Variants in GABRG3 observed in about 807,000 individuals in gnomAD.
GABRG3 encodes the protein gamma-aminobutyric acid type A receptor subunit gamma3, also known as gamma-aminobutyric acid receptor subunit gamma-3.
A neutral mutation model predicts 48.8 loss-of-function variants in GABRG3; 25 were observed. The observed-to-expected ratio is 0.51, with a 90% CI of 0.37 to 0.72. The LOEUF (loss-of-function observed/expected upper bound fraction) is 0.72, where lower values mean the gene tolerates loss of function less well. GABRG3 is among the 30% of genes least tolerant of loss of function. GABRG3 has a pLI of 0.00. For synonymous variants in GABRG3, 227 were observed against 217.6 expected, an observed-to-expected ratio of 1.04 and a Z score of -0.38; for missense variants, 394 against 577.9, an observed-to-expected ratio of 0.68 and a Z score of 3.26.
chr15:27,300,697 A>G (rs1042958211), intron 3 of GABRG3, among the ~76,000 whole-genome samples: 1 of 131,392 alleles, frequency 7.6e-6, no homozygotes, highest in Non-Finnish European at 1.7e-5. Context: ...AAAAAAAAAA[A>G]CACCTGGATT....
intron 3 of GABRG3, among the ~76,000 whole-genome samples, chr15:27,125,610 A>C (rs140040038): frequency 6.6e-6 from 1 of 152,238 alleles, no homozygotes; most frequent in African/African-American, 2.4e-5. Flanking sequence ...GTACAATTTT[A>C]TGTGTTGACC....
At chr15:27,159,352 C>T (rs940756510) in intron 3 of GABRG3, among the ~76,000 whole-genome samples, 18 of 151,920 alleles carry the variant, frequency 1.2e-4, no homozygotes, top group African/African-American at 4.1e-4. Context: ...TGTGCTGGTG[C>T]GCACCTGTAA....
chr15:27,025,085 A>AGT lies in GABRG3; in HGVS notation c.203-1655_203-1654dup, dbSNP rs143739884. The stretch of plus-strand genomic sequence containing the variant: ...GCTTCATTTTCCTTGGCATTTTGTG[A>AGT]GTGTGTGTGTGTGTGCGCACACTTA... On this transcript the variant is annotated intron_variant, in intron 2 of 9. Transcript: ENST00000615808. Among the ~76,000 whole-genome samples the AGT allele has an allele frequency of 6.4e-3, 937 of 146,942 alleles. 12 individuals carry two copies. Among genetic ancestry groups the AGT allele is most frequent in the African/African-American group, 0.02 (803 of 40,228 alleles).
intron 3 of GABRG3, among the ~76,000 whole-genome samples, chr15:27,270,980 G>A (rs1891066362): frequency 6.6e-6 from 1 of 152,204 alleles, no homozygotes; most frequent in Non-Finnish European, 1.5e-5. Context: ...TGGGTGGCCA[G>A]GAAGAAACAG....
chr15:27,110,273 A>G (rs891454536), intron 3 of GABRG3, among the ~76,000 whole-genome samples: 4 of 152,200 alleles, frequency 2.6e-5, no homozygotes, highest in African/African-American at 9.6e-5. Context: ...TGCACCATGT[A>G]TAAACCAGGT....
chr15:27,348,446 A>G (rs1397962330), intron 5 of GABRG3, among the ~76,000 whole-genome samples: 1 of 152,210 alleles, frequency 6.6e-6, no homozygotes, highest in East Asian at 1.9e-4. Flanking sequence ...GAACTAATTT[A>G]GCCTTTAAAA....
chr15:26,971,724 A>G (rs1894849692), intron 1 of GABRG3, 136 bp downstream of exon 1: 1 of 980,942 alleles, frequency 1.0e-6, no homozygotes, highest in African/African-American at 1.7e-5. Context: ...GGGACTGGGA[A>G]GTCGGTCTGC....
At chr15:27,198,802 A>C (rs1934360444) in intron 3 of GABRG3, among the ~76,000 whole-genome samples, 1 of 152,208 alleles carries the variant, frequency 6.6e-6, no homozygotes, top group African/African-American at 2.4e-5. Flanking sequence ...TACACCGTGG[A>C]ATACTGTGCA....
intron 2 of GABRG3, among the ~76,000 whole-genome samples, chr15:27,005,917 A>G (rs1322107345): frequency 6.6e-6 from 1 of 152,174 alleles, no homozygotes; most frequent in Admixed American, 6.5e-5. Context: ...AACTTTCCAT[A>G]AAAATTAACT....
Position 27,180,112 on chromosome 15 carries a change from T to C in GABRG3, c.271-146697T>C, listed in dbSNP as rs1312387707. On this transcript the variant is annotated intron_variant, in intron 3 of 9. Transcript: ENST00000615808. The surrounding 1 kb of genome is among the most constrained non-coding windows in gnomAD (Gnocchi z 4.2). ...GAGACTGTGGGGCTCGTTGCACTTGTTTTACCAATCACAGAGCTCACAAAG... is the reference window on the plus strand; with the variant it reads ...GAGACTGTGGGGCTCGTTGCACTTGCTTTACCAATCACAGAGCTCACAAAG... Among the ~76,000 whole-genome samples, 1 of 152,000 alleles carries C rather than the reference T, an allele frequency of 6.6e-6. No individual in the cohort carries two copies. Among genetic ancestry groups the C allele is most frequent in the African/African-American group, 2.4e-5 (1 of 41,302 alleles).
chr15:27,403,939 A>G (rs2140590717), intron 5 of GABRG3, among the ~76,000 whole-genome samples: 1 of 119,180 alleles, frequency 8.4e-6, no homozygotes, highest in East Asian at 3.3e-4. Context: ...CAAAAAAAAA[A>G]AACCGGGCTT....
At chr15:27,318,256 A>G (rs2140512665) in intron 3 of GABRG3, among the ~76,000 whole-genome samples, 1 of 152,338 alleles carries the variant, frequency 6.6e-6, no homozygotes, top group East Asian at 1.9e-4. Context: ...CTTCAGGCAC[A>G]GGAAAGCCAC....
chr15:27,344,790 G>A (rs1894310431), intron 5 of GABRG3, among the ~76,000 whole-genome samples: 1 of 152,012 alleles, frequency 6.6e-6, no homozygotes, highest in South Asian at 2.1e-4. Context: ...TCGGAGGGGT[G>A]TTTAAGTCTC....
At chr15:27,015,997 C>T (rs529408796) in intron 2 of GABRG3, among the ~76,000 whole-genome samples, 3 of 152,206 alleles carry the variant, frequency 2.0e-5, no homozygotes, top group African/African-American at 7.2e-5. Flanking sequence ...ATGACTCCAC[C>T]TACCTCTTTG....
chr15:27,513,341 T>C (rs1441936996), intron 6 of GABRG3, among the ~76,000 whole-genome samples: 2 of 151,708 alleles, frequency 1.3e-5, no homozygotes, highest in African/African-American at 2.4e-5. Flanking sequence ...TCCCAGCTAC[T>C]CGGGAGGCTG....
At chr15:27,278,801 A>G (rs1891339811) in intron 3 of GABRG3, among the ~76,000 whole-genome samples, 2 of 152,192 alleles carry the variant, frequency 1.3e-5, no homozygotes, top group South Asian at 4.1e-4. Flanking sequence ...ATAAAAGCCA[A>G]GAGTGTAATT....
chr15:27,497,300 A>G (rs930704982), intron 6 of GABRG3, among the ~76,000 whole-genome samples: 2 of 151,986 alleles, frequency 1.3e-5, no homozygotes, highest in Non-Finnish European at 2.9e-5. Flanking sequence ...CTTGGGTGGG[A>G]TTTATTTTTA....
intron 5 of GABRG3, among the ~76,000 whole-genome samples, chr15:27,453,354 G>A (rs769987933): frequency 2.0e-5 from 3 of 152,046 alleles, no homozygotes; most frequent in Non-Finnish European, 2.9e-5. Context: ...TTAATTATGG[G>A]AATGATTTTG....
intron 6 of GABRG3, among the ~76,000 whole-genome samples, chr15:27,504,996 T>C (rs1890728995): frequency 6.6e-6 from 1 of 152,206 alleles, no homozygotes; most frequent in Non-Finnish European, 1.5e-5. Flanking sequence ...ATAGCCACAA[T>C]ACTCTTAGCT....
Sources: gnomAD v4.1 joint callset for allele counts (sites outside exome capture counted in the v4.1 genomes callset) on GRCh38, gnomAD v4.1.1 for gene constraint, Gnocchi (gnomAD v3.1) non-coding constraint, MANE v1.5 for transcripts, NCBI Gene and HGNC (gene_info 2026-07-23, HGNC 2026-07-21) for gene names.